The following CORO1C variants were observed in gnomAD, a reference collection of about 807,000 sequenced individuals.
CORO1C encodes coronin 1C.
CORO1C carries 14 observed loss-of-function variants against 51.2 expected under a neutral mutation model. The ratio of observed to expected loss-of-function variants is 0.27; its 90% CI spans 0.18 to 0.43. The LOEUF is 0.43. CORO1C is among the 20% of genes least tolerant of loss of function. The pLI is 1.00. For synonymous variants in CORO1C, 181 were observed against 210.5 expected, an observed-to-expected ratio of 0.86 and a Z score of 1.21; for missense variants, 417 against 607.8, an observed-to-expected ratio of 0.69 and a Z score of 3.30.
chr12:108,708,939 G>C (rs1018099408), intron 1 of CORO1C, among the ~76,000 whole-genome samples: 1 of 151,026 alleles, frequency 6.6e-6, no homozygotes, highest in Admixed American at 6.6e-5. Context: ...TGGTAGAGAT[G>C]GGGGTCTAAC....
At chr12:108,716,015 C>T (rs1370539357) in intron 1 of CORO1C, among the ~76,000 whole-genome samples, 1 of 151,198 alleles carries the variant, frequency 6.6e-6, no homozygotes, top group African/African-American at 2.4e-5. Flanking sequence ...CCTGTAATCC[C>T]AGCTACTCGG....
chr12:108,702,936 C>T, intron 1 of CORO1C: 3 of 1,534,104 alleles, frequency 2.0e-6, no homozygotes, highest in Non-Finnish European at 2.6e-6. Context: ...CAGCTGACTA[C>T]CAGGGCCATA....
At chr12:108,702,902 C>T (rs1279804391) in intron 1 of CORO1C, 1 of 1,535,596 alleles carries the variant, frequency 6.5e-7, no homozygotes, top group Admixed American at 2.0e-5. Flanking sequence ...GTTCCTTAGC[C>T]CAGCTGTTAT....
At chr12:108,687,476 G>A (rs1165540651) in intron 2 of CORO1C, among the ~76,000 whole-genome samples, 1 of 149,868 alleles carries the variant, frequency 6.7e-6, no homozygotes, top group African/African-American at 2.5e-5. Context: ...GACAGAGTAA[G>A]ACCCTGTTTC....
At chr12:108,704,735 T>A (rs1188075473) in intron 1 of CORO1C, among the ~76,000 whole-genome samples, 1 of 152,182 alleles carries the variant, frequency 6.6e-6, no homozygotes, top group Admixed American at 6.5e-5. Flanking sequence ...GCATAGCCGC[T>A]TTTCTTGCAC....
chr12:108,710,071 T>A (rs2035134952), intron 1 of CORO1C, among the ~76,000 whole-genome samples: 1 of 152,202 alleles, frequency 6.6e-6, no homozygotes, highest in African/African-American at 2.4e-5. Flanking sequence ...AAACCTTACT[T>A]GTCTTTTTAA....
chr12:108,708,123 T>C (rs1323849340), intron 1 of CORO1C, among the ~76,000 whole-genome samples: 1 of 152,174 alleles, frequency 6.6e-6, no homozygotes, highest in Non-Finnish European at 1.5e-5. Flanking sequence ...AATCCACTCC[T>C]AGGTATACAC....
intron 2 of CORO1C, among the ~76,000 whole-genome samples, chr12:108,684,950 G>C (rs537635752): frequency 2.6e-5 from 4 of 151,890 alleles, no homozygotes; most frequent in Admixed American, 1.3e-4. Flanking sequence ...TGCATTCCTA[G>C]GCTCTGCCCA....
intron 1 of CORO1C, among the ~76,000 whole-genome samples, chr12:108,704,256 G>A (rs1321957710): frequency 1.3e-5 from 2 of 152,082 alleles, no homozygotes; most frequent in Non-Finnish European, 1.5e-5. Flanking sequence ...GACGGATCAC[G>A]AGGTCAGGCG....
chr12:108,687,044 G>C (rs1020205934), intron 2 of CORO1C, among the ~76,000 whole-genome samples: 1 of 152,092 alleles, frequency 6.6e-6, no homozygotes, highest in African/African-American at 2.4e-5. Flanking sequence ...ATTTGCTTTG[G>C]GGAAAACACT....
chr12:108,685,500 C>T (rs894337815), intron 2 of CORO1C, among the ~76,000 whole-genome samples: 5 of 151,780 alleles, frequency 3.3e-5, no homozygotes, highest in Non-Finnish European at 5.9e-5. Flanking sequence ...ACCCTATTTT[C>T]CAAATAAAGA....
At chr12:108,711,277 G>A (rs558062660) in intron 1 of CORO1C, among the ~76,000 whole-genome samples, 2 of 152,222 alleles carry the variant, frequency 1.3e-5, no homozygotes, top group Admixed American at 6.5e-5. Flanking sequence ...AGCTGAGGTG[G>A]GAGGACTGCT....
At chr12:108,727,514 G>A (rs2035620845) in intron 1 of CORO1C, among the ~76,000 whole-genome samples, 1 of 152,228 alleles carries the variant, frequency 6.6e-6, no homozygotes, top group Admixed American at 6.5e-5. Flanking sequence ...TCATTAAGGA[G>A]TCTGAACTTT....
chr12:108,681,160 G>A (rs553042811), intron 2 of CORO1C, among the ~76,000 whole-genome samples: 40 of 152,316 alleles, frequency 2.6e-4, no homozygotes, highest in Non-Finnish European at 4.6e-4. Context: ...GCCACCATGC[G>A]TGGCTTGAAT....
At chr12:108,677,089 G>A (rs1374832063) in intron 3 of CORO1C, among the ~76,000 whole-genome samples, 1 of 152,164 alleles carries the variant, frequency 6.6e-6, no homozygotes, top group African/African-American at 2.4e-5. Flanking sequence ...ACAGCCAATA[G>A]AGAGGAAAAT....
Position 108,646,607 on chromosome 12 carries a change from C to T in CORO1C, c.*796G>A, listed in dbSNP as rs998425869. 5.3e-5 allele frequency: 8 copies of T among 152,070 alleles called. No individual in the cohort carries two copies. Among genetic ancestry groups the T allele is most frequent in the East Asian group, 3.8e-4 (2 of 5,198 alleles). The allele number at this position is 152,070 out of a possible 1,614,324, so 9.4% of individuals were successfully genotyped here. ...ATAATCATCTGAAGCACAGGATAAC[C>T]GAGAAGCAAAATTCCATTCTGGTAC... On this transcript the variant is annotated 3_prime_UTR_variant, in exon 11 of 11. Transcript: ENST00000261401.
At chr12:108,680,683 T>A (rs2136836800) in intron 2 of CORO1C, among the ~76,000 whole-genome samples, 1 of 152,332 alleles carries the variant, frequency 6.6e-6, no homozygotes, top group African/African-American at 2.4e-5. Context: ...AAGAACTTGG[T>A]TCTGCCCCAG....
intron 2 of CORO1C, among the ~76,000 whole-genome samples, chr12:108,693,630 C>G (rs543201534): frequency 1.3e-5 from 2 of 152,332 alleles, no homozygotes; most frequent in South Asian, 4.1e-4. Context: ...TTAGTTCACA[C>G]TATGCATAAA....
At chr12:108,730,155 G>T (rs1437441124) in intron 1 of CORO1C, 1 of 152,216 alleles carries the variant, frequency 6.6e-6, no homozygotes, top group Non-Finnish European at 1.5e-5. Flanking sequence ...CATGCCGGGG[G>T]AAATGAACAA....
Sources: gnomAD v4.1 joint callset for allele counts (sites outside exome capture counted in the v4.1 genomes callset) on GRCh38, gnomAD v4.1.1 for gene constraint, MANE v1.5 for transcripts, NCBI Gene and HGNC (gene_info 2026-07-23, HGNC 2026-07-21) for gene names.